Variants in MAGI2 observed in about 807,000 individuals in gnomAD.
The protein encoded by MAGI2 is membrane-associated guanylate kinase, WW and PDZ domain-containing protein 2.
A neutral mutation model predicts 133.3 loss-of-function variants in MAGI2; 35 were observed. That is an observed-to-expected ratio of 0.26 (90% confidence interval 0.20 to 0.35). MAGI2 has a LOEUF of 0.35. Among genes scored for constraint, MAGI2 ranks in the 10% least tolerant of loss-of-function variants. MAGI2 has a pLI of 1.00. For missense variants in MAGI2, 1,636 were observed against 1,863.4 expected, an observed-to-expected ratio of 0.88 and a Z score of 2.25; for synonymous variants, 729 against 710.6, an observed-to-expected ratio of 1.03 and a Z score of -0.41.
intron 2 of MAGI2, among the ~76,000 whole-genome samples, chr7:78,896,755 G>T (rs944252406): frequency 3.4e-4 from 52 of 151,826 alleles, no homozygotes; most frequent in African/African-American, 9.4e-4. Flanking sequence ...TTTTAGTAGA[G>T]AAGGGGTTTC....
rs150825309 is a variant in MAGI2, at chr7:78,386,835, G to C, written c.1046-17622C>G. ...AACGGAGAGCTTTAGAGGGCCCCAG[G>C]CTTTAATATATGGAATCACATAATT... On this transcript the variant is annotated intron_variant, in intron 6 of 21. Transcript: ENST00000354212. Among the ~76,000 whole-genome samples the C allele has an allele frequency of 2.6e-3, 395 of 152,208 alleles. 2 individuals are homozygous for C. The highest frequency in any genetic ancestry group is 8.4e-3 in the African/African-American group (347 of 41,522).
chr7:78,568,552 G>T (rs925621395), intron 3 of MAGI2, among the ~76,000 whole-genome samples: 1 of 151,910 alleles, frequency 6.6e-6, no homozygotes, highest in African/African-American at 2.4e-5. Context: ...CCTCTTATCC[G>T]GTTTTATTAG....
At chr7:79,130,342 AC>A (rs2129545310) in intron 1 of MAGI2, among the ~76,000 whole-genome samples, 1 of 152,216 alleles carries the variant, frequency 6.6e-6, no homozygotes, top group Admixed American at 6.5e-5. Context: ...AAGAGAAAAT[AC>A]TTGGATTTTT....
At chr7:79,436,519 A>G (rs1848155472) in intron 1 of MAGI2, among the ~76,000 whole-genome samples, 1 of 152,158 alleles carries the variant, frequency 6.6e-6, no homozygotes, top group Non-Finnish European at 1.5e-5. Flanking sequence ...ATAAACAAAT[A>G]ACCCCATTAA....
At chr7:78,620,446 GAAAATTATTTGTATTTAATACTT>G (rs1807605785) in intron 3 of MAGI2, among the ~76,000 whole-genome samples, 1 of 151,976 alleles carries the variant, frequency 6.6e-6, no homozygotes, top group Non-Finnish European at 1.5e-5. Context: ...TAATTGCCTA[GAAAATTATTTGTATTTAATACTT>G]AAATTTCTAT....
At chr7:78,109,590 A>C (rs1240569904) in intron 20 of MAGI2, among the ~76,000 whole-genome samples, 4 of 151,228 alleles carry the variant, frequency 2.6e-5, no homozygotes, top group Admixed American at 6.6e-5. Flanking sequence ...TGAGATGGCG[A>C]CACTGCACTC....
chr7:78,228,307 A>G lies in MAGI2; in HGVS notation c.2048-27114T>C, dbSNP rs578038752. Reference sequence around the variant, plus strand: ...TTGCGGTCCCTAAACCATCTGCATCAGAATCACTTAGGGTTACGAGTTTAT... The same window carrying G: ...TTGCGGTCCCTAAACCATCTGCATCGGAATCACTTAGGGTTACGAGTTTAT... On this transcript the variant is annotated intron_variant, in intron 10 of 21. Coordinates refer to ENST00000354212, the MANE Select transcript of MAGI2 (RefSeq NM_012301.4). 9.3e-4 allele frequency among the ~76,000 whole-genome samples: 141 copies of G among 152,356 alleles called. 1 individual carries two copies. Among genetic ancestry groups the G allele is most frequent in the South Asian group, 3.7e-3 (18 of 4,826 alleles).
intron 2 of MAGI2, among the ~76,000 whole-genome samples, chr7:78,979,768 G>A (rs1186488750): frequency 1.3e-5 from 2 of 151,672 alleles, no homozygotes; most frequent in Non-Finnish European, 2.9e-5. Flanking sequence ...TTTACCAAAG[G>A]GTTGAATAGG....
At chr7:78,511,302 A>G (rs952990708) in intron 4 of MAGI2, among the ~76,000 whole-genome samples, 22 of 151,868 alleles carry the variant, frequency 1.4e-4, no homozygotes, top group Admixed American at 1.4e-3. Flanking sequence ...TGTACTATAG[A>G]TTATACTCTG....
chr7:78,879,680 A>G (rs1229263691), intron 2 of MAGI2, among the ~76,000 whole-genome samples: 1 of 152,124 alleles, frequency 6.6e-6, no homozygotes, highest in African/African-American at 2.4e-5. Context: ...AAAAAATCTG[A>G]ACATTGTGAC....
rs577853959 is a variant in MAGI2, at chr7:79,153,170, T to C, written c.302-145964A>G. Among the ~76,000 whole-genome samples, 3 of 152,270 alleles carry C rather than the reference T, an allele frequency of 2.0e-5. No homozygotes were observed. In the South Asian group the frequency reaches 6.2e-4, roughly 32 times the overall value. On this transcript the variant is annotated intron_variant, in intron 1 of 21. Coordinates refer to ENST00000354212, the MANE Select transcript of MAGI2 (RefSeq NM_012301.4). ...AGAAGCAAATAAATACCCAGGATAG[T>C]TGAGAATGCTTTCAATTTTGATATG...
intron 14 of MAGI2, among the ~76,000 whole-genome samples, chr7:78,171,697 CCTTA>C (rs1477301493): frequency 6.6e-6 from 1 of 152,174 alleles, no homozygotes; most frequent in Non-Finnish European, 1.5e-5. Flanking sequence ...GATCAGGATC[CCTTA>C]CTTACCAGGT....
intron 1 of MAGI2, among the ~76,000 whole-genome samples, chr7:79,009,739 C>G (rs1250639200): frequency 6.6e-6 from 1 of 152,116 alleles, no homozygotes; most frequent in Non-Finnish European, 1.5e-5. Context: ...GCCATTGACA[C>G]TTAGCCCAGA....
At chr7:78,980,660 T>A (rs1804701510) in intron 2 of MAGI2, among the ~76,000 whole-genome samples, 1 of 152,060 alleles carries the variant, frequency 6.6e-6, no homozygotes, top group East Asian at 1.9e-4. Context: ...TTACAGTTAG[T>A]TCCTATTTTA....
chr7:78,853,899 G>C (rs1793393815), intron 2 of MAGI2, among the ~76,000 whole-genome samples: 2 of 151,712 alleles, frequency 1.3e-5, no homozygotes, highest in South Asian at 4.2e-4. Context: ...GCAATGCCAT[G>C]GCAAGATAAG....
intron 10 of MAGI2, among the ~76,000 whole-genome samples, chr7:78,247,745 T>G (rs1193324345): frequency 6.6e-6 from 1 of 151,994 alleles, no homozygotes; most frequent in Non-Finnish European, 1.5e-5. Context: ...CTTTTGAAAT[T>G]ACCCAATCAG....
intron 10 of MAGI2, among the ~76,000 whole-genome samples, chr7:78,235,713 A>T (rs71573376): frequency 0.29 from 44,416 of 152,030 alleles, 7,557 homozygotes; most frequent in Non-Finnish European, 0.37. Flanking sequence ...AGTCTTGGGC[A>T]GTTCTTTATA....
intron 1 of MAGI2, among the ~76,000 whole-genome samples, chr7:79,070,505 T>C (rs1814853839): frequency 6.6e-6 from 1 of 151,700 alleles, no homozygotes; most frequent in Non-Finnish European, 1.5e-5. Flanking sequence ...TTTATTTATT[T>C]ATTTGAGACA....
chr7:78,908,553 C>T (rs1054950169), intron 2 of MAGI2, among the ~76,000 whole-genome samples: 1 of 152,146 alleles, frequency 6.6e-6, no homozygotes, highest in Non-Finnish European at 1.5e-5. Flanking sequence ...AAATTCATTA[C>T]AAATAATATT....
Sources: allele counts gnomAD v4.1 joint callset (sites outside exome capture counted in the v4.1 genomes callset), GRCh38; gene constraint gnomAD v4.1.1; transcripts MANE v1.5; gene names NCBI Gene and HGNC (gene_info 2026-07-23, HGNC 2026-07-21).